LINGO2: variants seen among roughly 807,000 people sequenced by gnomAD.
LINGO2 encodes the protein leucine-rich repeat and immunoglobulin-like domain-containing nogo receptor-interacting protein 2.
Under a neutral mutation model 30.6 loss-of-function variants are expected in LINGO2, and 14 were observed. The ratio of observed to expected loss-of-function variants is 0.46; its 90% CI spans 0.30 to 0.72. The LOEUF (loss-of-function observed/expected upper bound fraction) is 0.72. Ranked by LOEUF, LINGO2 falls within the 30% of genes least tolerant of loss-of-function variation. The pLI, the probability that LINGO2 is intolerant of heterozygous loss-of-function variation, is 0.07. For synonymous variants in LINGO2, 317 were observed against 288.5 expected, an observed-to-expected ratio of 1.10 and a Z score of -1.00; for missense variants, 729 against 751.7, an observed-to-expected ratio of 0.97 and a Z score of 0.35.
At chr9:28,830,865 T>C in the LINGO2 span, among the ~76,000 whole-genome samples, 2 of 149,690 alleles carry the variant, frequency 1.3e-5, no homozygotes, top group East Asian at 1.9e-4. Context: ...CACACATGCA[T>C]GTTCACTTGC....
At position 28,129,181 on chromosome 9, in the gene LINGO2, C is replaced by T. The variant is rs1490453933; in HGVS notation, c.-86-116776G>A. Among the ~76,000 whole-genome samples, 3 of 152,146 alleles carry T rather than the reference C, an allele frequency of 2.0e-5. No homozygotes were observed. Among genetic ancestry groups the T allele is most frequent in the Non-Finnish European group, 4.4e-5 (3 of 68,030 alleles). On this transcript the variant is annotated intron_variant, in intron 4 of 5. Coordinates refer to ENST00000379992, the Ensembl canonical transcript of LINGO2. This position sits in a 1 kb window ranked among gnomAD's most constrained non-coding sequence, Gnocchi z 4.0. ...GGCTTTGGGACTCGGGCTGATCTAC[C>T]ACTGGCTTCCTTGCTCCTCAGCTTG...
At chr9:28,033,734 G>T (rs1823795831) in intron 4 of LINGO2, among the ~76,000 whole-genome samples, 1 of 152,178 alleles carries the variant, frequency 6.6e-6, no homozygotes, top group African/African-American at 2.4e-5. Flanking sequence ...CATCATGTGT[G>T]AAACTTATTG....
At chr9:28,372,906 A>G (rs1820960103) in intron 2 of LINGO2, 38 bp from the exon 5 acceptor site, 1 of 152,596 alleles carries the variant, frequency 6.6e-6, no homozygotes, top group Admixed American at 6.5e-5. Flanking sequence ...GGAAACTGAA[A>G]TAAAAGCCAA....
At chr9:29,015,648 C>T in the LINGO2 span, among the ~76,000 whole-genome samples, 2,633 of 152,184 alleles carry the variant, frequency 0.017, 76 homozygotes, top group African/African-American at 0.059. Flanking sequence ...GTGTTCTCTA[C>T]CAGTACAATC....
chr9:28,919,524 A>G, the LINGO2 span, among the ~76,000 whole-genome samples: 1,285 of 152,278 alleles, frequency 8.4e-3, 14 homozygotes, highest in African/African-American at 0.029. Context: ...AAGGACCAGT[A>G]GTCAATCTTA....
intron 1 of LINGO2, among the ~76,000 whole-genome samples, chr9:28,503,368 T>C (rs1169381556): frequency 6.6e-6 from 1 of 152,078 alleles, no homozygotes; most frequent in Non-Finnish European, 1.5e-5. Context: ...ATATTGAAGA[T>C]AAAATGTTTT....
At chr9:28,108,033 A>C (rs1360974158) in intron 4 of LINGO2, among the ~76,000 whole-genome samples, 1 of 152,144 alleles carries the variant, frequency 6.6e-6, no homozygotes, top group Non-Finnish European at 1.5e-5. Context: ...GTGCAAGTTC[A>C]CTGATGCTCA....
At chr9:28,629,449 A>T (rs1453052190) in intron 1 of LINGO2, among the ~76,000 whole-genome samples, 2 of 152,096 alleles carry the variant, frequency 1.3e-5, no homozygotes, top group Non-Finnish European at 2.9e-5. Context: ...TAGCATATTT[A>T]AAAATTTCCC....
chr9:29,082,585 T>A, the LINGO2 span, among the ~76,000 whole-genome samples: 1 of 152,010 alleles, frequency 6.6e-6, no homozygotes, highest in East Asian at 1.9e-4. Flanking sequence ...AAAAATGGGA[T>A]CTAATTAAAC....
intron 4 of LINGO2, among the ~76,000 whole-genome samples, chr9:28,127,805 C>T (rs202089174): frequency 1.2e-4 from 19 of 152,282 alleles, no homozygotes; most frequent in East Asian, 1.2e-3. Context: ...GTTTTTGCTA[C>T]GATTTTTCTG....
At chr9:28,627,683 T>C (rs999192317) in intron 1 of LINGO2, among the ~76,000 whole-genome samples, 1 of 152,086 alleles carries the variant, frequency 6.6e-6, no homozygotes, top group Non-Finnish European at 1.5e-5. Flanking sequence ...ACAAGTCTAG[T>C]TTCAGTTACA....
the LINGO2 span, among the ~76,000 whole-genome samples, chr9:29,080,228 G>T: frequency 8.5e-5 from 13 of 152,224 alleles, no homozygotes; most frequent in East Asian, 5.8e-4. Context: ...TAGTTTATTT[G>T]TGTAGAGGTG....
At chr9:28,212,595 A>T (rs973796806) in intron 4 of LINGO2, among the ~76,000 whole-genome samples, 1 of 151,484 alleles carries the variant, frequency 6.6e-6, no homozygotes, top group African/African-American at 2.4e-5. Context: ...CATATACTGA[A>T]TGTTGATTTT....
At chr9:28,935,454 A>G in the LINGO2 span, among the ~76,000 whole-genome samples, 5 of 152,146 alleles carry the variant, frequency 3.3e-5, no homozygotes, top group Non-Finnish European at 7.4e-5. Flanking sequence ...GTAGAGAAGA[A>G]GCAATTTAAA....
At chr9:28,989,434 T>A in the LINGO2 span, among the ~76,000 whole-genome samples, 37 of 152,330 alleles carry the variant, frequency 2.4e-4, no homozygotes, top group African/African-American at 8.4e-4. Context: ...GCAGAACTGC[T>A]TCTGGTAGTG....
At chr9:28,983,109 G>T in the LINGO2 span, among the ~76,000 whole-genome samples, 1 of 151,874 alleles carries the variant, frequency 6.6e-6, no homozygotes, top group African/African-American at 2.4e-5. Context: ...ATTATGGGTA[G>T]ACAAAACGCT....
At chr9:27,955,349 C>T (rs745512019) in intron 5 of LINGO2, among the ~76,000 whole-genome samples, 1 of 152,078 alleles carries the variant, frequency 6.6e-6, no homozygotes, top group Non-Finnish European at 1.5e-5. Context: ...ACGTGTCAAT[C>T]GTTTGATTTT....
At chr9:28,191,788 C>A (rs1348817708) in intron 4 of LINGO2, among the ~76,000 whole-genome samples, 1 of 152,082 alleles carries the variant, frequency 6.6e-6, no homozygotes, top group South Asian at 2.1e-4. Context: ...GAAACATTAT[C>A]TTTTCCCATA....
At chr9:29,029,863 GT>G in the LINGO2 span, among the ~76,000 whole-genome samples, 224 of 148,560 alleles carry the variant, frequency 1.5e-3, 1 homozygote, top group Admixed American at 2.4e-3. Flanking sequence ...GAAGCTTTCA[GT>G]TTTTTTTTTT....
Sources: gnomAD v4.1 joint callset for allele counts (sites outside exome capture counted in the v4.1 genomes callset) on GRCh38, gnomAD v4.1.1 for gene constraint, Gnocchi (gnomAD v3.1) non-coding constraint, MANE v1.5 for transcripts, NCBI Gene and HGNC (gene_info 2026-07-23, HGNC 2026-07-21) for gene names.